TTC6: variants seen among roughly 807,000 people sequenced by gnomAD.
TTC6 encodes tetratricopeptide repeat protein 6.
Under a neutral mutation model 210.4 loss-of-function variants are expected in TTC6, and 172 were observed. The observed-to-expected ratio is 0.82, with a 90% CI of 0.72 to 0.93. The LOEUF (loss-of-function observed/expected upper bound fraction) is 0.93. Ranked by LOEUF, TTC6 falls within the 40% of genes least tolerant of loss-of-function variation. The probability of loss-of-function intolerance (pLI) is 0.00; values close to 1 mark genes in which losing one functional copy is unlikely to be tolerated. For missense variants in TTC6, 2,414 were observed against 2,318.1 expected (o/e 1.04, Z -0.85); for synonymous variants, 804 against 819.6 (o/e 0.98, Z 0.32).
At chr14:37,690,565 G>A (rs975390314) in intron 3 of TTC6, among the ~76,000 whole-genome samples, 1 of 152,088 alleles carries the variant, frequency 6.6e-6, no homozygotes, top group African/African-American at 2.4e-5. Context: ...AACCAGAAAA[G>A]AGCAGGAATC....
chr14:37,716,543 G>T (rs2095853065), intron 6 of TTC6, among the ~76,000 whole-genome samples: 1 of 152,028 alleles, frequency 6.6e-6, no homozygotes, highest in African/African-American at 2.4e-5. Context: ...ATTAATATCA[G>T]ATAAGATAGA....
At chr14:37,817,707 A>G in intron 26 of TTC6, 56 bp downstream of exon 28, 1 of 1,506,670 alleles carries the variant, frequency 6.6e-7, no homozygotes, top group Admixed American at 1.7e-5. Context: ...AGACTTATCT[A>G]ATTATCACCC....
chr14:37,612,661 T>G (rs2095636555), intron 2 of TTC6, among the ~76,000 whole-genome samples: 1 of 152,204 alleles, frequency 6.6e-6, no homozygotes, highest in Non-Finnish European at 1.5e-5. Flanking sequence ...CTTTAATTTC[T>G]GCAAATAAGA....
chr14:37,607,540 A>T (rs2095627294), intron 2 of TTC6, among the ~76,000 whole-genome samples: 1 of 152,216 alleles, frequency 6.6e-6, no homozygotes, highest in South Asian at 2.1e-4. Context: ...TTACTATTTG[A>T]AAATTTTGCA....
intron 5 of TTC6, among the ~76,000 whole-genome samples, chr14:37,705,560 T>C (rs1014341597): frequency 9.9e-5 from 15 of 152,126 alleles, no homozygotes; most frequent in Admixed American, 4.6e-4. Flanking sequence ...TAAAAACTTA[T>C]GTGTAAACAT....
At chr14:37,631,035 G>A (rs976113026) in intron 1 of TTC6, among the ~76,000 whole-genome samples, 4 of 147,664 alleles carry the variant, frequency 2.7e-5, no homozygotes, top group African/African-American at 7.5e-5. Flanking sequence ...TCTGAATACA[G>A]CCTACTGATG....
intron 6 of TTC6, among the ~76,000 whole-genome samples, chr14:37,717,719 C>T (rs1229245539): frequency 6.6e-6 from 1 of 151,652 alleles, no homozygotes; most frequent in African/African-American, 2.4e-5. Context: ...TAGTAATACC[C>T]TAGTATCTAA....
Position 37,737,012 on chromosome 14 carries a change from C to T in TTC6, c.1909-648C>T, listed in dbSNP as rs564976697. Among the ~76,000 whole-genome samples, 5 of 152,260 alleles carry T rather than the reference C, an allele frequency of 3.3e-5. No individual in the cohort carries two copies. The South Asian group carries it at 1.0e-3, about 32-fold the overall frequency. The stretch of plus-strand genomic sequence containing the variant: ...GGCTTAAGTGATCCTCCTGCCTCAG[C>T]CTCCCAAACTGTTGGGATTGCAGGT... On this transcript the variant is annotated intron_variant, in intron 8 of 30. Coordinates refer to ENST00000553443, the Ensembl canonical transcript of TTC6.
chr14:37,679,918 GA>G (rs1427631062), intron 1 of TTC6, among the ~76,000 whole-genome samples: 3 of 151,930 alleles, frequency 2.0e-5, no homozygotes, highest in Non-Finnish European at 2.9e-5. Flanking sequence ...TCAAATTCTT[GA>G]CCTCAGGTGA....
intron 26 of TTC6, 63 bp downstream of exon 28, chr14:37,817,714 A>C (rs908328508): frequency 2.5e-5 from 37 of 1,475,502 alleles, no homozygotes; most frequent in Non-Finnish European, 3.1e-5. Flanking sequence ...TCTAATTATC[A>C]CCCCATAAAC....
At chr14:37,782,306 A>G (rs1370363192) in intron 14 of TTC6, among the ~76,000 whole-genome samples, 3 of 152,048 alleles carry the variant, frequency 2.0e-5, no homozygotes, top group Admixed American at 6.6e-5. Context: ...ATTTCATTGA[A>G]CAGTGGTTTG....
chr14:37,669,113 A>T (rs2095753735), intron 1 of TTC6, among the ~76,000 whole-genome samples: 1 of 152,248 alleles, frequency 6.6e-6, no homozygotes, highest in African/African-American at 2.4e-5. Context: ...GAGAAGAGAA[A>T]TGAAAGAAGT....
intron 2 of TTC6, among the ~76,000 whole-genome samples, chr14:37,682,152 C>T (rs935696911): frequency 9.6e-4 from 17 of 17,666 alleles, no homozygotes; most frequent in Non-Finnish European, 1.6e-3. Flanking sequence ...TGTCGAACCA[C>T]TAATTTTTTT....
At chr14:37,813,597 G>A (rs1168802107) in intron 25 of TTC6, among the ~76,000 whole-genome samples, 1 of 152,182 alleles carries the variant, frequency 6.6e-6, no homozygotes. Context: ...ACTTACAGAG[G>A]AAGAAACTGG....
At chr14:37,747,552 C>T (rs1353536386) in intron 10 of TTC6, among the ~76,000 whole-genome samples, 1 of 151,992 alleles carries the variant, frequency 6.6e-6, no homozygotes, top group Admixed American at 6.6e-5. Context: ...TTACAAGGAT[C>T]CTAGGTAGTT....
intron 14 of TTC6, among the ~76,000 whole-genome samples, chr14:37,758,708 G>A (rs541730649): frequency 5.9e-5 from 9 of 152,264 alleles, no homozygotes; most frequent in African/African-American, 2.2e-4. Context: ...ATTGTGTTGT[G>A]TGAATTTTAT....
intron 18 of TTC6, among the ~76,000 whole-genome samples, chr14:37,795,613 C>A (rs193290711): frequency 6.6e-6 from 1 of 152,048 alleles, no homozygotes; most frequent in Non-Finnish European, 1.5e-5. Context: ...CCTTTTTAAG[C>A]GACTAGTCAT....
In TTC6 at chr14:37,725,308, GTGTGTATATATATATATA is replaced by G. The variant is rs1319575556; in HGVS notation, c.1818+308_1818+325del. Among the ~76,000 whole-genome samples, 65 of 73,398 alleles carry G rather than the reference GTGTGTATATATATATATA, an allele frequency of 8.9e-4. 1 individual carries two copies. The highest frequency in any genetic ancestry group is 7.4e-3 in the Middle Eastern group (1 of 136). 48.2% of individuals were successfully genotyped at this position (73,398 alleles called of 152,430 possible). A position where few individuals can be genotyped will look rare whatever the true frequency, so the allele number is the denominator to read the frequency against. On this transcript the variant is annotated intron_variant, in intron 7 of 30. Transcript: ENST00000553443. ...TTTATATATGTATGTATGTGTGTGT[GTGTGTATATATATATATA>G]TATATATATATATATATATATATAT...
At chr14:37,670,775 T>C (rs1383421652) in intron 1 of TTC6, among the ~76,000 whole-genome samples, 1 of 152,056 alleles carries the variant, frequency 6.6e-6, no homozygotes, top group Non-Finnish European at 1.5e-5. Flanking sequence ...TGAGCCAAAC[T>C]ACCTCACTTT....
Sources: gnomAD v4.1 joint callset for allele counts (sites outside exome capture counted in the v4.1 genomes callset) on GRCh38, gnomAD v4.1.1 for gene constraint, MANE v1.5 for transcripts, NCBI Gene and HGNC (gene_info 2026-07-23, HGNC 2026-07-21) for gene names.